NPAS3: variants seen among roughly 807,000 people sequenced by gnomAD.
NPAS3 encodes the protein neuronal PAS domain protein 3.
Under a neutral mutation model 73.1 loss-of-function variants are expected in NPAS3, and 14 were observed. The ratio of observed to expected loss-of-function variants is 0.19; its 90% CI spans 0.13 to 0.30. The LOEUF (loss-of-function observed/expected upper bound fraction) is 0.30. Among genes scored for constraint, NPAS3 ranks in the 10% least tolerant of loss-of-function variants. NPAS3 has a pLI of 1.00. For synonymous variants in NPAS3, 620 were observed against 541.5 expected, an observed-to-expected ratio of 1.14 and a Z score of -2.01; for missense variants, 1,096 against 1,250.0, an observed-to-expected ratio of 0.88 and a Z score of 1.86.
intron 3 of NPAS3, among the ~76,000 whole-genome samples, chr14:33,221,455 TTTTG>T (rs1187666757): frequency 5.3e-5 from 8 of 152,146 alleles, no homozygotes; most frequent in Non-Finnish European, 1.2e-4. Context: ...TATCTGTAGT[TTTTG>T]TTTGCCCAAA....
At chr14:33,152,611 T>C (rs371274760) in intron 2 of NPAS3, among the ~76,000 whole-genome samples, 16 of 152,284 alleles carry the variant, frequency 1.1e-4, no homozygotes, top group East Asian at 3.9e-4. Flanking sequence ...AAGTGATTGA[T>C]GTTTTTATAT....
At chr14:32,982,909 T>C (rs2037955473) in intron 1 of NPAS3, among the ~76,000 whole-genome samples, 1 of 152,146 alleles carries the variant, frequency 6.6e-6, no homozygotes, top group Non-Finnish European at 1.5e-5. Flanking sequence ...TCTGTAATGA[T>C]AGGAATAATT....
intron 4 of NPAS3, among the ~76,000 whole-genome samples, chr14:33,445,088 C>T (rs368904952): frequency 6.6e-6 from 1 of 152,174 alleles, no homozygotes; most frequent in East Asian, 1.9e-4. Flanking sequence ...TGTGTTTGTT[C>T]ACAACAGACT....
intron 3 of NPAS3, among the ~76,000 whole-genome samples, chr14:33,342,515 C>A (rs560900138): frequency 1.1e-3 from 161 of 152,352 alleles, no homozygotes; most frequent in African/African-American, 3.8e-3. Flanking sequence ...ACATGGCAAC[C>A]TGCTGGCTTT....
At chr14:33,349,870 C>T (rs145592470) in intron 3 of NPAS3, among the ~76,000 whole-genome samples, 1 of 152,260 alleles carries the variant, frequency 6.6e-6, no homozygotes, top group East Asian at 1.9e-4. Context: ...TGTACAGTCT[C>T]TGGGCGGAAT....
chr14:33,472,780 T>C (rs977511210), intron 4 of NPAS3, among the ~76,000 whole-genome samples: 1 of 146,678 alleles, frequency 6.8e-6, no homozygotes. Flanking sequence ...TGCGTGTATA[T>C]GGGGTGGGGT....
In NPAS3 at chr14:33,733,311, AG is replaced by A. The variant is rs1161442013; in HGVS notation, c.734-1901del. On this transcript the variant is annotated intron_variant, in intron 6 of 11. Transcript: ENST00000356141. The stretch of plus-strand genomic sequence containing the variant: ...CTTAAATGTATAATCTGTCCTTGGG[AG>A]GAAAAAAAAAAAAAGGATATAGCAT... Among the ~76,000 whole-genome samples the A allele has an allele frequency of 1.0e-4, 15 of 148,436 alleles. No homozygotes were observed. In the East Asian group the frequency reaches 1.2e-3, roughly 12 times the overall value.
chr14:33,347,872 CT>C (rs112055083), intron 3 of NPAS3, among the ~76,000 whole-genome samples: 33 of 146,254 alleles, frequency 2.3e-4, no homozygotes, highest in Admixed American at 4.8e-4. Flanking sequence ...CACAACCATC[CT>C]TTTTTTTTTT....
At chr14:33,306,559 G>T (rs1217717805) in intron 3 of NPAS3, among the ~76,000 whole-genome samples, 2 of 152,198 alleles carry the variant, frequency 1.3e-5, no homozygotes, top group Non-Finnish European at 2.9e-5. Context: ...TTGTGGGAAT[G>T]CATCAAACCA....
At chr14:33,106,965 T>C (rs1566566556) in intron 2 of NPAS3, among the ~76,000 whole-genome samples, 1 of 152,138 alleles carries the variant, frequency 6.6e-6, no homozygotes, top group Non-Finnish European at 1.5e-5. Context: ...GCATTTACTT[T>C]TAGGATTGGG....
intron 2 of NPAS3, among the ~76,000 whole-genome samples, chr14:33,134,065 T>C (rs1242483269): frequency 2.0e-5 from 3 of 152,142 alleles, no homozygotes; most frequent in Admixed American, 6.6e-5. Context: ...TGGAAATTCA[T>C]TGATAAACTA....
At chr14:33,037,647 C>A (rs570929373) in intron 1 of NPAS3, among the ~76,000 whole-genome samples, 1 of 151,942 alleles carries the variant, frequency 6.6e-6, no homozygotes, top group African/African-American at 2.4e-5. Context: ...GTCTGGGCAA[C>A]GGAGGCAGAC....
At chr14:33,352,868 A>T (rs2140354100) in intron 3 of NPAS3, among the ~76,000 whole-genome samples, 1 of 152,354 alleles carries the variant, frequency 6.6e-6, no homozygotes, top group Admixed American at 6.5e-5. Flanking sequence ...GAAAATAGTG[A>T]CTTAACAGCA....
chr14:33,054,137 G>A (rs943341998), intron 1 of NPAS3, among the ~76,000 whole-genome samples: 1 of 152,162 alleles, frequency 6.6e-6, no homozygotes, highest in African/African-American at 2.4e-5. Context: ...AATTTGTCAG[G>A]TGGGCCTATT....
chr14:33,591,280 G>A (rs2057055162), intron 5 of NPAS3, among the ~76,000 whole-genome samples: 1 of 152,104 alleles, frequency 6.6e-6, no homozygotes, highest in South Asian at 2.1e-4. Flanking sequence ...GTACTTTTAG[G>A]TGACTTAAAC....
At chr14:33,202,219 T>A (rs942561050) in intron 2 of NPAS3, among the ~76,000 whole-genome samples, 1 of 152,092 alleles carries the variant, frequency 6.6e-6, no homozygotes, top group Admixed American at 6.5e-5. Flanking sequence ...CTGACCAACA[T>A]GGCCAAACCC....
chr14:33,490,050 T>C (rs945553404), intron 4 of NPAS3, among the ~76,000 whole-genome samples: 1 of 152,164 alleles, frequency 6.6e-6, no homozygotes, highest in Admixed American at 6.6e-5. Context: ...TGCTCTATCA[T>C]ATTCATGAAG....
At chr14:33,238,090 T>C (rs879286) in intron 3 of NPAS3, among the ~76,000 whole-genome samples, 2,792 of 152,062 alleles carry the variant, frequency 0.018, 155 homozygotes, top group East Asian at 0.12. Context: ...AGGCAAATGA[T>C]TGATAAATTC....
intron 4 of NPAS3, among the ~76,000 whole-genome samples, chr14:33,418,769 T>C (rs1193944947): frequency 6.6e-6 from 1 of 151,996 alleles, no homozygotes; most frequent in African/African-American, 2.4e-5. Flanking sequence ...TGATCTTCCA[T>C]GCAGGGCTCC....
Sources: allele counts gnomAD v4.1 joint callset (sites outside exome capture counted in the v4.1 genomes callset), GRCh38; gene constraint gnomAD v4.1.1; transcripts MANE v1.5; gene names NCBI Gene and HGNC (gene_info 2026-07-23, HGNC 2026-07-21).